Variants in IL1RAPL1 observed in about 807,000 individuals in gnomAD.
IL1RAPL1 encodes interleukin-1 receptor accessory protein-like 1.
Under a neutral mutation model 48.4 loss-of-function variants are expected in IL1RAPL1, and 3 were observed. The ratio of observed to expected loss-of-function variants is 0.06; its 90% CI spans 0.03 to 0.16. The LOEUF is 0.16. Among genes scored for constraint, IL1RAPL1 ranks in the 10% least tolerant of loss-of-function variants. The pLI, the probability that IL1RAPL1 is intolerant of heterozygous loss-of-function variation, is 1.00. For missense variants in IL1RAPL1, 349 were observed against 530.6 expected (o/e 0.66, Z 3.36); for synonymous variants, 185 against 187.7 (o/e 0.99, Z 0.12).
At chrX:28,803,771 T>C (rs1312904283) in intron 2 of IL1RAPL1, among the ~76,000 whole-genome samples, 1 of 112,306 alleles carries the variant, frequency 8.9e-6, no homozygotes, top group East Asian at 2.8e-4. Flanking sequence ...ACAGGTTGTG[T>C]ACACCAATGT....
chrX:29,354,378 C>T (rs1176476845), intron 3 of IL1RAPL1, among the ~76,000 whole-genome samples: 2 of 111,905 alleles, frequency 1.8e-5, no homozygotes, highest in Non-Finnish European at 3.8e-5. Context: ...TTTGGTAATA[C>T]AGATTCTCCT....
chrX:29,855,472 T>C (rs1293713557), intron 6 of IL1RAPL1, among the ~76,000 whole-genome samples: 2 of 111,749 alleles, frequency 1.8e-5, no homozygotes, highest in Non-Finnish European at 3.8e-5. Flanking sequence ...TTTAGGGTTA[T>C]TTTTGGTGTA....
intron 2 of IL1RAPL1, among the ~76,000 whole-genome samples, chrX:29,144,264 C>T (rs1777663249): frequency 9.0e-6 from 1 of 110,595 alleles, no homozygotes; most frequent in African/African-American, 3.3e-5. Context: ...ATATATTGAA[C>T]TTATTGTAAT....
In IL1RAPL1 at chrX:29,317,173, C is replaced by A. The variant is rs889067687; in HGVS notation, c.362+33956C>A. Among the ~76,000 whole-genome samples, 3 of 111,756 alleles carry A rather than the reference C, an allele frequency of 2.7e-5. No homozygotes were observed. The South Asian group carries it at 1.1e-3, about 41-fold the overall frequency. ...CCAAATATTTTGGGCCCTTGTGTCA[C>A]AATTGCTGAAACCCTGACTCCAAAT... On this transcript the variant is annotated intron_variant, in intron 3 of 10. Transcript: ENST00000378993.
At chrX:29,766,342 A>AAAAAAT (rs1200679211) in intron 6 of IL1RAPL1, among the ~76,000 whole-genome samples, 3 of 47,542 alleles carry the variant, frequency 6.3e-5, no homozygotes, top group African/African-American at 2.7e-4. Flanking sequence ...AAAAAAAAAA[A>AAAAAAT]ATATATATAT....
At chrX:29,798,920 G>A (rs1929813140) in intron 6 of IL1RAPL1, among the ~76,000 whole-genome samples, 1 of 112,281 alleles carries the variant, frequency 8.9e-6, no homozygotes, top group African/African-American at 3.2e-5. Context: ...TAAGCCTCCA[G>A]ACTTTCATTT....
chrX:29,530,338 C>T lies in IL1RAPL1; in HGVS notation c.703+131030C>T, dbSNP rs112877362. ...CACATAGTTTATGTGAGAGGAAATA[C>T]CAGGAGATGTTAGATGTGGGGAGAT... On this transcript the variant is annotated intron_variant, in intron 5 of 10. Coordinates refer to ENST00000378993, the MANE Select transcript of IL1RAPL1 (RefSeq NM_014271.4). 3.8e-3 allele frequency among the ~76,000 whole-genome samples: 420 copies of T among 110,999 alleles called. 2 individuals are homozygous for T. Among genetic ancestry groups the T allele is most frequent in the African/African-American group, 0.011 (334 of 30,502 alleles).
At chrX:28,614,792 C>T (rs1490812946) in intron 1 of IL1RAPL1, among the ~76,000 whole-genome samples, 1 of 112,164 alleles carries the variant, frequency 8.9e-6, no homozygotes, top group East Asian at 2.8e-4. Context: ...TAGTATTGAA[C>T]TAGTGAGGAT....
chrX:29,807,572 G>A (rs933949377), intron 6 of IL1RAPL1, among the ~76,000 whole-genome samples: 4 of 83,201 alleles, frequency 4.8e-5, no homozygotes, highest in Non-Finnish European at 6.4e-5. Context: ...CCAAGATTGC[G>A]CCACTGCACT....
intron 2 of IL1RAPL1, among the ~76,000 whole-genome samples, chrX:29,093,448 C>T (rs995204274): frequency 1.8e-5 from 2 of 111,253 alleles, no homozygotes; most frequent in Non-Finnish European, 3.8e-5. Context: ...CAGTCACCTC[C>T]CACCAGGCAT....
At chrX:29,008,468 G>A (rs971383311) in intron 2 of IL1RAPL1, among the ~76,000 whole-genome samples, 5 of 111,917 alleles carry the variant, frequency 4.5e-5, no homozygotes, top group Non-Finnish European at 9.4e-5. Flanking sequence ...GAGCCACCGC[G>A]CGTGGCCCGG....
chrX:29,058,244 GCACA>G (rs1379445518), intron 2 of IL1RAPL1, among the ~76,000 whole-genome samples: 1 of 110,461 alleles, frequency 9.1e-6, no homozygotes, highest in Non-Finnish European at 1.9e-5. Flanking sequence ...GGGCGTGGTG[GCACA>G]CACCTGTAGT....
At chrX:28,657,099 A>C (rs1051535017) in intron 1 of IL1RAPL1, among the ~76,000 whole-genome samples, 1 of 110,757 alleles carries the variant, frequency 9.0e-6, no homozygotes, top group African/African-American at 3.3e-5. Context: ...TACTATGTCC[A>C]TATTTCACTT....
At chrX:29,869,689 A>C (rs771008247) in intron 6 of IL1RAPL1, among the ~76,000 whole-genome samples, 1 of 111,520 alleles carries the variant, frequency 9.0e-6, no homozygotes, top group South Asian at 3.8e-4. Flanking sequence ...GGTAAGCTCT[A>C]TACATTGTCT....
chrX:29,908,471 CTCTTT>C (rs1438303809), intron 6 of IL1RAPL1, among the ~76,000 whole-genome samples: 2 of 109,530 alleles, frequency 1.8e-5, no homozygotes, highest in African/African-American at 6.6e-5. Context: ...TTTGCATATT[CTCTTT>C]TGAGTTTCTT....
At chrX:29,493,260 C>A (rs995840385) in intron 5 of IL1RAPL1, among the ~76,000 whole-genome samples, 2 of 111,816 alleles carry the variant, frequency 1.8e-5, no homozygotes, top group African/African-American at 6.5e-5. Context: ...GAGAACAGAA[C>A]CCAAATCTCT....
At position 29,194,738 on chromosome X, in the gene IL1RAPL1, T is replaced by C. The variant is rs1930411916; in HGVS notation, c.83-88200T>C. Among the ~76,000 whole-genome samples the C allele has an allele frequency of 2.7e-5, 3 of 112,350 alleles. No individual in the cohort carries two copies. In the South Asian group the frequency reaches 1.1e-3, roughly 41 times the overall value. ...TTATTAATAGAGCCCACAAATGTAG[T>C]ATTAGCATCATACTCAGCATTTAGA... On this transcript the variant is annotated intron_variant, in intron 2 of 10. Transcript: ENST00000378993.
chrX:29,216,523 T>A (rs1190561305), intron 2 of IL1RAPL1, among the ~76,000 whole-genome samples: 2 of 111,357 alleles, frequency 1.8e-5, no homozygotes, highest in African/African-American at 6.5e-5. Context: ...CAGCAGTGAT[T>A]TTCAAACTTT....
At chrX:29,905,404 ATTGCT>A (rs1351226041) in intron 6 of IL1RAPL1, among the ~76,000 whole-genome samples, 1 of 111,204 alleles carries the variant, frequency 9.0e-6, no homozygotes. Context: ...TTTTTTTGCA[ATTGCT>A]TTGGTGTTTT....
Sources: allele counts gnomAD v4.1 joint callset (sites outside exome capture counted in the v4.1 genomes callset), GRCh38; gene constraint gnomAD v4.1.1; transcripts MANE v1.5; gene names NCBI Gene and HGNC (gene_info 2026-07-23, HGNC 2026-07-21).